Variants in KLRK1 observed in about 807,000 individuals in gnomAD.
The protein encoded by KLRK1 is killer cell lectin like receptor K1.
KLRK1 carries 40 observed loss-of-function variants against 31.3 expected under a neutral mutation model. That is an observed-to-expected ratio of 1.28 (90% CI 0.99 to 1.67). The LOEUF is 1.67. Ranked by LOEUF, KLRK1 falls within the 40% of genes most tolerant of loss-of-function variation. The pLI is 0.00. For missense variants in KLRK1, 251 were observed against 260.0 expected (o/e 0.97, Z 0.24); for synonymous variants, 77 against 77.3 (o/e 1.00, Z 0.02).
chr12:10,378,458 C>A, intron 6 of KLRK1, 96 bp downstream of exon 6: 1 of 1,549,962 alleles, frequency 6.5e-7, no homozygotes, highest in South Asian at 1.2e-5. Context: ...ATAACCAAGT[C>A]ACAGTGTCCC....
At chr12:10,373,587 T>C (rs1862902152) in intron 7 of KLRK1, among the ~76,000 whole-genome samples, 1 of 152,224 alleles carries the variant, frequency 6.6e-6, no homozygotes, top group Non-Finnish European at 1.5e-5. Flanking sequence ...CTGTGTTTTG[T>C]GGAAAAATAA....
At chr12:10,376,297 T>TAACAAACA (rs35866334) in intron 7 of KLRK1, among the ~76,000 whole-genome samples, 5 of 151,522 alleles carry the variant, frequency 3.3e-5, no homozygotes, top group African/African-American at 7.3e-5. Context: ...GTCTAGTCCA[T>TAACAAACA]AACACTGATG....
intron 2 of KLRK1, 43 bp downstream of exon 2, chr12:10,388,728 T>G (rs149517987): frequency 1.2e-6 from 2 of 1,612,752 alleles, no homozygotes; most frequent in Non-Finnish European, 1.7e-6. Flanking sequence ...TATCTTAAAA[T>G]TGTATAAAAA....
chr12:10,379,801 G>GA lies in KLRK1; in HGVS notation c.149-10dup. On this transcript the variant is annotated splice_polypyrimidine_tract_variant and intron_variant, in intron 3 of 7. Transcript: ENST00000240618. ...GAAAAAAAATGGAGATGCTGTCAAA[G>GA]AAAAAAGACACAGATCAGAGAAAGA... 6.2e-7 allele frequency: 1 copy of GA among 1,607,824 alleles called. No individual in the cohort carries two copies. The highest frequency in any genetic ancestry group is 8.5e-7 in the Non-Finnish European group (1 of 1,177,410).
intron 7 of KLRK1, among the ~76,000 whole-genome samples, 170 bp from the exon 8 acceptor site, chr12:10,373,401 A>C (rs1862899554): frequency 6.6e-6 from 1 of 152,214 alleles, no homozygotes; most frequent in Non-Finnish European, 1.5e-5. Context: ...CAGATAATAA[A>C]AATAAAAATT....
chr12:10,382,915 C>A (rs1456620761), intron 3 of KLRK1, among the ~76,000 whole-genome samples: 1 of 151,770 alleles, frequency 6.6e-6, no homozygotes, highest in African/African-American at 2.4e-5. Context: ...GCTTTGTGAT[C>A]AAAGTTAAGC....
Position 10,378,719 on chromosome 12 carries a change from A to C in KLRK1, c.278-14T>G, listed in dbSNP as rs1453236697. The C allele has an allele frequency of 2.5e-6, 4 of 1,584,064 alleles. No individual in the cohort carries two copies. Among genetic ancestry groups the C allele is most frequent in the South Asian group, 2.3e-5 (2 of 85,838 alleles). On this transcript the variant is annotated splice_polypyrimidine_tract_variant and intron_variant, in intron 5 of 7. Coordinates refer to ENST00000240618, the MANE Select transcript of KLRK1 (RefSeq NM_007360.4). ...CACAGTAACTTTCTGGAAAAGGAGA[A>C]TATATTATTAATTCTACACATCTGA...
chr12:10,389,022 G>T, intron 1 of KLRK1, 147 bp from the exon 2 acceptor site: 1 of 493,576 alleles, frequency 2.0e-6, no homozygotes, highest in Non-Finnish European at 3.5e-6. Flanking sequence ...CATAAAGCCA[G>T]GCAAAATTAA....
chr12:10,374,416 G>A (rs1862925480), intron 7 of KLRK1, among the ~76,000 whole-genome samples: 1 of 112,938 alleles, frequency 8.9e-6, no homozygotes, highest in Non-Finnish European at 1.6e-5. Flanking sequence ...TTTTTTGACA[G>A]TGTTTTGCTC....
intron 7 of KLRK1, among the ~76,000 whole-genome samples, chr12:10,375,564 A>G (rs1862949371): frequency 6.6e-6 from 1 of 152,232 alleles, no homozygotes; most frequent in Admixed American, 6.5e-5. Flanking sequence ...ACATTGAAGA[A>G]TTGGAAATTC....
intron 2 of KLRK1, among the ~76,000 whole-genome samples, chr12:10,388,422 A>G (rs951801683): frequency 2.6e-5 from 4 of 152,194 alleles, no homozygotes; most frequent in Non-Finnish European, 2.9e-5. Flanking sequence ...AGAAAAAGAA[A>G]CTAAACTAAA....
chr12:10,372,999 A>G lies in KLRK1; in HGVS notation c.*115T>C. ...TCCTGTGGAGTCTAAGAAATCTGAC[A>G]GTCTTTGGTCATTTTGTCCTGTTTT... On this transcript the variant is annotated 3_prime_UTR_variant, in exon 8 of 8. Transcript: ENST00000240618. 1.2e-6 allele frequency: 1 copy of G among 860,636 alleles called. No homozygotes were observed. Among genetic ancestry groups the G allele is most frequent in the Non-Finnish European group, 1.8e-6 (1 of 542,966 alleles). 53.3% of individuals were successfully genotyped at this position (860,636 alleles called of 1,614,324 possible).
At chr12:10,381,958 G>A (rs1863084086) in intron 3 of KLRK1, 1 of 152,252 alleles carries the variant, frequency 6.6e-6, no homozygotes, top group Non-Finnish European at 1.5e-5. Context: ...AAAAGACAGA[G>A]ACCCCATGGC....
At chr12:10,388,703 G>T in intron 2 of KLRK1, 68 bp downstream of exon 2, 1 of 1,595,712 alleles carries the variant, frequency 6.3e-7, no homozygotes, top group Non-Finnish European at 8.6e-7. Context: ...TTATATGCTT[G>T]TATGAAATTC....
chr12:10,384,585 T>C (rs1164825880), intron 3 of KLRK1, among the ~76,000 whole-genome samples: 1 of 152,006 alleles, frequency 6.6e-6, no homozygotes, highest in Non-Finnish European at 1.5e-5. Flanking sequence ...TCACACCATA[T>C]ACAAAAATCA....
chr12:10,379,583 CAA>C (rs1385299058), intron 4 of KLRK1, 101 bp from the exon 5 acceptor site: 3 of 1,325,660 alleles, frequency 2.3e-6, no homozygotes, highest in Non-Finnish European at 1.0e-6. Context: ...AAAAATGTGA[CAA>C]AGATACATTT....
Position 10,372,851 on chromosome 12 carries a change from C to A in KLRK1, c.*263G>T, listed in dbSNP as rs536873616. 1.1e-4 allele frequency: 41 copies of A among 388,144 alleles called. No homozygotes were observed. Among genetic ancestry groups the A allele is most frequent in the African/African-American group, 3.9e-4 (18 of 46,340 alleles). 24.0% of individuals were successfully genotyped at this position (388,144 alleles called of 1,614,324 possible). A position where few individuals can be genotyped will look rare whatever the true frequency, so the allele number is the denominator to read the frequency against. On this transcript the variant is annotated 3_prime_UTR_variant, in exon 8 of 8. Transcript: ENST00000240618. ...ATTAAAACAGCACCCCTCCCCCAGC[C>A]CATCCACTCTGGGCTTGTGGTGGGA...
At chr12:10,375,190 A>C (rs1335935046) in intron 7 of KLRK1, among the ~76,000 whole-genome samples, 1 of 152,206 alleles carries the variant, frequency 6.6e-6, no homozygotes, top group African/African-American at 2.4e-5. Flanking sequence ...TGAAAATAAC[A>C]CATGAGAGTA....
intron 3 of KLRK1, 55 bp from the exon 4 acceptor site, chr12:10,379,847 CT>C: frequency 6.8e-7 from 1 of 1,474,326 alleles, no homozygotes; most frequent in South Asian, 1.3e-5. Flanking sequence ...GTTTGGGTAT[CT>C]TTGTATTTAA....
Sources: allele counts gnomAD v4.1 joint callset (sites outside exome capture counted in the v4.1 genomes callset), GRCh38; gene constraint gnomAD v4.1.1; transcripts MANE v1.5; gene names NCBI Gene and HGNC (gene_info 2026-07-23, HGNC 2026-07-21).